Variants in SEMA6D observed in about 807,000 individuals in gnomAD.
The protein encoded by SEMA6D is semaphorin 6D.
A neutral mutation model predicts 106.6 loss-of-function variants in SEMA6D; 35 were observed. The ratio of observed to expected loss-of-function variants is 0.33; its 90% CI spans 0.25 to 0.44. The LOEUF (loss-of-function observed/expected upper bound fraction) is 0.44, where lower values mean the gene tolerates loss of function less well. Ranked by LOEUF, SEMA6D falls within the 20% of genes least tolerant of loss-of-function variation. SEMA6D has a pLI of 1.00. For synonymous variants in SEMA6D, 499 were observed against 487.7 expected (o/e 1.02, Z -0.31); for missense variants, 1,185 against 1,345.9 (o/e 0.88, Z 1.87).
At chr15:47,283,756 C>A (rs935463263) in intron 1 of SEMA6D, among the ~76,000 whole-genome samples, 1 of 152,192 alleles carries the variant, frequency 6.6e-6, no homozygotes, top group Non-Finnish European at 1.5e-5. Flanking sequence ...TATGTGTGAG[C>A]CTGTCTCAAC....
At chr15:47,400,621 A>G (rs1426583469) in intron 1 of SEMA6D, among the ~76,000 whole-genome samples, 1 of 152,222 alleles carries the variant, frequency 6.6e-6, no homozygotes, top group Non-Finnish European at 1.5e-5. Context: ...AGAGATTATT[A>G]CAGGCTGACT....
At chr15:47,188,462 G>T (rs1256933912) in intron 1 of SEMA6D, among the ~76,000 whole-genome samples, 1 of 152,090 alleles carries the variant, frequency 6.6e-6, no homozygotes. Context: ...TAATGATTGT[G>T]TGTACTCTTG....
intron 4 of SEMA6D, among the ~76,000 whole-genome samples, chr15:47,612,348 TG>T (rs1333282990): frequency 6.6e-6 from 1 of 152,178 alleles, no homozygotes; most frequent in African/African-American, 2.4e-5. Context: ...ACAAATACAA[TG>T]CAATCATCAG....
upstream of SEMA6D, among the ~76,000 whole-genome samples, chr15:47,715,854 T>C (rs767281977): frequency 1.3e-5 from 2 of 152,170 alleles, no homozygotes; most frequent in African/African-American, 2.4e-5. Context: ...TGGGTGGCGA[T>C]TTGACTCCTC....
chr15:47,476,004 C>T (rs965288629), intron 3 of SEMA6D, among the ~76,000 whole-genome samples: 8 of 152,056 alleles, frequency 5.3e-5, no homozygotes, highest in African/African-American at 1.9e-4. Flanking sequence ...GTGGTGAAAA[C>T]AAAGAGAATT....
intron 1 of SEMA6D, among the ~76,000 whole-genome samples, chr15:47,216,251 A>C (rs1041797451): frequency 1.3e-5 from 2 of 152,200 alleles, no homozygotes; most frequent in Non-Finnish European, 2.9e-5. Context: ...ACATTATTAA[A>C]GTATTTATTT....
Position 47,761,013 on chromosome 15 carries a change from C to A in SEMA6D, c.257C>A (p.Pro86His). ...QVYTVNLNEM[P>H]KTEVIPNKKL... The stretch of plus-strand genomic sequence containing the variant: ...TATACAGTAAACTTAAATGAAATGC[C>A]CAAAACAGAAGTAATACCCAACAAG... Residue 86 changes from proline to histidine, a missense_variant, in exon 4 of 19, where the codon CCC (proline) becomes CAC (histidine). Transcript: ENST00000536845. The A allele has an allele frequency of 6.2e-7, 1 of 1,613,484 alleles. No individual in the cohort carries two copies. The highest frequency in any genetic ancestry group is 1.1e-5 in the South Asian group (1 of 91,038).
intron 18 of SEMA6D, among the ~76,000 whole-genome samples, chr15:47,769,458 ATTC>A (rs1225763136): frequency 2.0e-5 from 3 of 151,930 alleles, no homozygotes; most frequent in African/African-American, 4.8e-5. Flanking sequence ...TTTTATAATC[ATTC>A]TTCTTTCTGC....
intron 1 of SEMA6D, among the ~76,000 whole-genome samples, chr15:47,231,068 G>A (rs189931286): frequency 1.3e-5 from 2 of 151,820 alleles, no homozygotes; most frequent in African/African-American, 4.8e-5. Context: ...AAAAGAAAAG[G>A]CCTGGCCATT....
At chr15:47,418,909 A>T (rs1276118461) in intron 2 of SEMA6D, among the ~76,000 whole-genome samples, 1 of 152,198 alleles carries the variant, frequency 6.6e-6, no homozygotes, top group Non-Finnish European at 1.5e-5. Context: ...AATGTCAGTC[A>T]CATTAGACTG....
chr15:47,336,223 G>A (rs1176990884), intron 1 of SEMA6D, among the ~76,000 whole-genome samples: 1 of 152,170 alleles, frequency 6.6e-6, no homozygotes, highest in African/African-American at 2.4e-5. Flanking sequence ...TTACCTGATT[G>A]TGTCGTGGGA....
chr15:47,340,109 C>T (rs895940281), intron 1 of SEMA6D, among the ~76,000 whole-genome samples: 6 of 152,056 alleles, frequency 3.9e-5, no homozygotes, highest in Non-Finnish European at 7.4e-5. Context: ...GAGCAAAGGC[C>T]ATGAGGTAGA....
At chr15:47,767,943 C>T (rs763435135) in intron 17 of SEMA6D, among the ~76,000 whole-genome samples, 19 of 151,972 alleles carry the variant, frequency 1.3e-4, no homozygotes, top group Non-Finnish European at 2.1e-4. Flanking sequence ...TTAGGTTCTG[C>T]TTGGAAGAAA....
rs2033747995 is a variant in SEMA6D at position 47,255,321 on chromosome 15, A to T, written c.-239+70903A>T. Among the ~76,000 whole-genome samples the T allele has an allele frequency of 2.0e-5, 3 of 151,762 alleles. No homozygotes were observed. In the South Asian group the frequency reaches 6.3e-4, roughly 32 times the overall value. On this transcript the variant is annotated intron_variant, in intron 1 of 19. Coordinates refer to the SEMA6D transcript ENST00000558014. The stretch of plus-strand genomic sequence containing the variant: ...TTTCACCTTTAATTTTGTAAATTTG[A>T]GTCTTCTCTCTTTTTTTCTTAGTGT...
At chr15:47,730,359 G>T in intron 1 of SEMA6D, 1 of 1,446,714 alleles carries the variant, frequency 6.9e-7, no homozygotes, top group Non-Finnish European at 9.6e-7. Context: ...GTCTTCCTGT[G>T]GACTAGACGT....
At chr15:47,523,928 A>G (rs2044668641) in intron 3 of SEMA6D, among the ~76,000 whole-genome samples, 1 of 152,216 alleles carries the variant, frequency 6.6e-6, no homozygotes, top group Admixed American at 6.5e-5. Flanking sequence ...CTATTTCTGG[A>G]AGCCAGGAGA....
chr15:47,410,705 T>C (rs1308718966), intron 1 of SEMA6D, among the ~76,000 whole-genome samples: 1 of 152,166 alleles, frequency 6.6e-6, no homozygotes, highest in African/African-American at 2.4e-5. Flanking sequence ...AGCCCAGACC[T>C]ATTGATTCAG....
intron 3 of SEMA6D, among the ~76,000 whole-genome samples, chr15:47,579,608 A>T (rs1392049064): frequency 6.6e-6 from 1 of 152,172 alleles, no homozygotes; most frequent in Non-Finnish European, 1.5e-5. Flanking sequence ...TGCTTGTATT[A>T]AATAAAATTT....
intron 4 of SEMA6D, among the ~76,000 whole-genome samples, chr15:47,627,776 C>T (rs1031172560): frequency 9.2e-5 from 14 of 152,032 alleles, no homozygotes; most frequent in South Asian, 2.1e-4. Context: ...CTGGTGCTGT[C>T]AAGATAAGAG....
Sources: allele counts gnomAD v4.1 joint callset (sites outside exome capture counted in the v4.1 genomes callset), GRCh38; gene constraint gnomAD v4.1.1; transcripts MANE v1.5; gene names NCBI Gene and HGNC (gene_info 2026-07-23, HGNC 2026-07-21).